CDH12: variants seen among roughly 807,000 people sequenced by gnomAD.
CDH12 encodes cadherin 12.
CDH12 carries 41 observed loss-of-function variants against 74.1 expected under a neutral mutation model. That is an observed-to-expected ratio of 0.55 (90% CI 0.43 to 0.72). The LOEUF (loss-of-function observed/expected upper bound fraction) is 0.72, where lower values mean the gene tolerates loss of function less well. CDH12 is among the 30% of genes least tolerant of loss of function. The probability of loss-of-function intolerance (pLI) is 0.00; values close to 1 mark genes in which losing one functional copy is unlikely to be tolerated. For missense variants in CDH12, 945 were observed against 977.2 expected (o/e 0.97, Z 0.44); for synonymous variants, 399 against 355.0 (o/e 1.12, Z -1.39).
chr5:21,923,982 T>A (rs1209111587), intron 6 of CDH12, among the ~76,000 whole-genome samples: 2 of 152,142 alleles, frequency 1.3e-5, no homozygotes, highest in Non-Finnish European at 2.9e-5. Context: ...TGGAGAAAAT[T>A]AAGAGCTGTG....
At chr5:22,428,331 T>G in intron 2 of CDH12, among the ~76,000 whole-genome samples, 1 of 152,214 alleles carries the variant, frequency 6.6e-6, no homozygotes, top group Middle Eastern at 3.4e-3. Flanking sequence ...AGTCTATATT[T>G]TATCCTTTCT....
At chr5:21,906,673 C>G (rs963193931) in intron 6 of CDH12, among the ~76,000 whole-genome samples, 4 of 152,130 alleles carry the variant, frequency 2.6e-5, no homozygotes, top group African/African-American at 9.7e-5. Flanking sequence ...TTTATTGGAA[C>G]TTTGGGACCT....
At position 22,402,569 on chromosome 5, in the gene CDH12, A is replaced by G. The variant is rs1039747419; in HGVS notation, c.-333+2688T>C. The stretch of plus-strand genomic sequence containing the variant: ...GAAGTATGGTTTTTCCTTGTTCCTT[A>G]TAGTAAAATATAAAAGAAAAGAGAT... On this transcript the variant is annotated intron_variant, in intron 3 of 14. Transcript: ENST00000382254. 2.0e-5 allele frequency among the ~76,000 whole-genome samples: 3 copies of G among 152,302 alleles called. No homozygotes were observed. The South Asian group carries it at 6.2e-4, about 32-fold the overall frequency.
chr5:21,992,285 C>T (rs2150136420), intron 5 of CDH12, among the ~76,000 whole-genome samples: 1 of 152,230 alleles, frequency 6.6e-6, no homozygotes, highest in Non-Finnish European at 1.5e-5. Context: ...ATAACTTGAA[C>T]TTTGACTGCT....
At chr5:22,290,358 G>T (rs1370463499) in intron 3 of CDH12, among the ~76,000 whole-genome samples, 1 of 151,958 alleles carries the variant, frequency 6.6e-6, no homozygotes, top group Non-Finnish European at 1.5e-5. Flanking sequence ...AGGACACTCA[G>T]CAAAGTTCAA....
At chr5:21,880,781 G>T (rs887483516) in intron 6 of CDH12, among the ~76,000 whole-genome samples, 4 of 150,998 alleles carry the variant, frequency 2.6e-5, no homozygotes, top group African/African-American at 9.8e-5. Flanking sequence ...CTAATAGAAA[G>T]TAGAGTCCCA....
At chr5:22,492,141 C>T (rs555513729) in intron 2 of CDH12, among the ~76,000 whole-genome samples, 14 of 152,178 alleles carry the variant, frequency 9.2e-5, no homozygotes, top group Non-Finnish European at 2.1e-4. Context: ...AAGACACAGC[C>T]TGGCAGAAGC....
chr5:22,013,448 A>G (rs957782755), intron 5 of CDH12, among the ~76,000 whole-genome samples: 1 of 152,150 alleles, frequency 6.6e-6, no homozygotes, highest in Admixed American at 6.5e-5. Context: ...ACCTAACTAT[A>G]TCACATTGAG....
At chr5:22,621,400 A>G (rs1737965678) in intron 1 of CDH12, among the ~76,000 whole-genome samples, 1 of 152,192 alleles carries the variant, frequency 6.6e-6, no homozygotes, top group South Asian at 2.1e-4. Context: ...TCAAAGGACT[A>G]TTAGACTTAT....
chr5:22,804,920 G>A (rs1009225210), intron 1 of CDH12, among the ~76,000 whole-genome samples: 3 of 152,082 alleles, frequency 2.0e-5, no homozygotes, highest in Non-Finnish European at 4.4e-5. Context: ...AGTAACTGTG[G>A]TTTTTATCTT....
At chr5:21,965,445 C>A (rs2150113488) in intron 6 of CDH12, among the ~76,000 whole-genome samples, 1 of 151,994 alleles carries the variant, frequency 6.6e-6, no homozygotes, top group Middle Eastern at 3.4e-3. Flanking sequence ...TGAAATTATC[C>A]CATTACAATG....
chr5:22,142,255 C>T (rs1746846264), intron 4 of CDH12: 1 of 184,174 alleles, frequency 5.4e-6, no homozygotes, highest in South Asian at 1.3e-4. Flanking sequence ...CCATGAGATG[C>T]ATGAAAGCAT....
At chr5:21,787,301 C>G (rs1348433974) in intron 10 of CDH12, among the ~76,000 whole-genome samples, 1 of 152,134 alleles carries the variant, frequency 6.6e-6, no homozygotes, top group Non-Finnish European at 1.5e-5. Context: ...CCCCAACCTT[C>G]AACAACCACC....
chr5:22,237,856 G>A (rs1190732138), intron 3 of CDH12, among the ~76,000 whole-genome samples: 1 of 152,050 alleles, frequency 6.6e-6, no homozygotes. Context: ...TTTTTTAATG[G>A]ATTCTAATGT....
At chr5:22,088,291 G>A (rs1449952928) in intron 4 of CDH12, among the ~76,000 whole-genome samples, 1 of 152,134 alleles carries the variant, frequency 6.6e-6, no homozygotes, top group Non-Finnish European at 1.5e-5. Flanking sequence ...GTCCTGAGTT[G>A]TAGAAACACT....
At chr5:22,442,929 G>A (rs1021497151) in intron 2 of CDH12, among the ~76,000 whole-genome samples, 2 of 152,112 alleles carry the variant, frequency 1.3e-5, no homozygotes, top group African/African-American at 2.4e-5. Context: ...AACACAATTT[G>A]TATATCAATA....
chr5:22,520,567 A>T (rs549829489), intron 1 of CDH12, among the ~76,000 whole-genome samples: 6 of 152,274 alleles, frequency 3.9e-5, no homozygotes, highest in African/African-American at 1.4e-4. Context: ...AACCTGGCTT[A>T]AAATACAGAA....
chr5:21,802,915 T>A (rs1216410101), intron 9 of CDH12, among the ~76,000 whole-genome samples: 2 of 152,064 alleles, frequency 1.3e-5, no homozygotes, highest in Admixed American at 1.3e-4. Context: ...CATGTAGAAG[T>A]TTCTGGGTAA....
Position 21,765,054 on chromosome 5 carries a change from A to C in CDH12, c.1439T>G (p.Leu480Ter). 2 of 1,609,650 alleles carry C rather than the reference A, an allele frequency of 1.2e-6. No homozygotes were observed. The highest frequency in any genetic ancestry group is 1.7e-6 in the Non-Finnish European group (2 of 1,176,820). Reference sequence around the variant, plus strand: ...TTCTGGAGGAAATTCATTTACATCTAAGACATTAATCAGTATATTGACTTT... The same window carrying C: ...TTCTGGAGGAAATTCATTTACATCTCAGACATTAATCAGTATATTGACTTT... ...TSKVNILINV[L>*]DVNEFPPEIS... The change falls in exon 12 of 15, where the codon TTA becomes TGA. Residue 480 changes from leucine (L) to a stop codon, truncating the protein, a stop_gained. Coordinates refer to ENST00000382254, the MANE Select transcript of CDH12 (RefSeq NM_004061.5). LOFTEE classifies it high-confidence loss of function.
Sources: gnomAD v4.1 joint callset for allele counts (sites outside exome capture counted in the v4.1 genomes callset) on GRCh38, gnomAD v4.1.1 for gene constraint, MANE v1.5 for transcripts, NCBI Gene and HGNC (gene_info 2026-07-23, HGNC 2026-07-21) for gene names.